The following PSEN1 variants were observed in gnomAD, a reference collection of about 807,000 sequenced individuals.
The protein encoded by PSEN1 is presenilin-1.
PSEN1 carries 15 observed loss-of-function variants against 53.5 expected under a neutral mutation model. The observed-to-expected ratio is 0.28, with a 90% confidence interval of 0.19 to 0.43. The LOEUF (loss-of-function observed/expected upper bound fraction) is 0.43, where lower values mean the gene tolerates loss of function less well. PSEN1 is among the 20% of genes least tolerant of loss of function. The pLI, the probability that PSEN1 is intolerant of heterozygous loss-of-function variation, is 1.00. For missense variants in PSEN1, 387 were observed against 571.2 expected, an observed-to-expected ratio of 0.68 and a Z score of 3.29; for synonymous variants, 208 against 209.8, an observed-to-expected ratio of 0.99 and a Z score of 0.08.
chr14:73,192,557 A>G (rs558401935), intron 6 of PSEN1, 87 bp from the exon 7 acceptor site: 8 of 922,126 alleles, frequency 8.7e-6, no homozygotes, highest in South Asian at 8.0e-5. Context: ...ATTAATATCT[A>G]ATGTTTGGGA....
chr14:73,190,634 T>A (rs79505171), intron 6 of PSEN1, among the ~76,000 whole-genome samples: 1 of 151,964 alleles, frequency 6.6e-6, no homozygotes, highest in Non-Finnish European at 1.5e-5. Context: ...ACCTGTAATC[T>A]CAACATTTTT....
At chr14:73,164,554 CTTTT>C (rs1179929315) in intron 3 of PSEN1, among the ~76,000 whole-genome samples, 1 of 152,260 alleles carries the variant, frequency 6.6e-6, no homozygotes, top group South Asian at 2.1e-4. Context: ...TCAGGAGATA[CTTTT>C]TTTATCACCA....
rs910969435 is a variant in PSEN1 at position 73,222,344 on chromosome 14, C to G, written c.*3055C>G. 2.0e-5 allele frequency: 3 copies of G among 152,202 alleles called. No individual in the cohort carries two copies. The highest frequency in any genetic ancestry group is 2.0e-4 in the Admixed American group (3 of 15,282). The allele number at this position is 152,202 out of a possible 1,614,324, so 9.4% of individuals were successfully genotyped here. A position where few individuals can be genotyped will look rare whatever the true frequency, so the allele number is the denominator to read the frequency against. On this transcript the variant is annotated 3_prime_UTR_variant, in exon 12 of 12. Transcript: ENST00000324501. ...AGTCTCTCTGCTTTTAAAAACCCTC[C>G]TTTTGCAATAGATGCCCAAACAGAT...
intron 5 of PSEN1, among the ~76,000 whole-genome samples, chr14:73,182,590 TC>T (rs1426710184): frequency 2.6e-5 from 4 of 152,146 alleles, no homozygotes; most frequent in African/African-American, 9.7e-5. Context: ...ACGCCTATAA[TC>T]CCAGCACTGT....
intron 8 of PSEN1, among the ~76,000 whole-genome samples, chr14:73,200,540 G>A (rs1461237464): frequency 1.3e-5 from 2 of 152,134 alleles, no homozygotes; most frequent in African/African-American, 4.8e-5. Context: ...ACAGGTGTGA[G>A]CCACTGCTCC....
chr14:73,204,496 A>G (rs1001100829), intron 8 of PSEN1, among the ~76,000 whole-genome samples: 1 of 151,488 alleles, frequency 6.6e-6, no homozygotes, highest in Non-Finnish European at 1.5e-5. Context: ...TTGTTTTTGT[A>G]CAGCTTATAA....
intron 8 of PSEN1, among the ~76,000 whole-genome samples, chr14:73,202,414 C>CATACTATAT (rs1268135539): frequency 1.2e-5 from 1 of 81,346 alleles, no homozygotes; most frequent in African/African-American, 4.9e-5. Context: ...ATATCTATCA[C>CATACTATAT]ATACTATATA....
intron 10 of PSEN1, 81 bp from the exon 11 acceptor site, chr14:73,217,045 G>GT (rs1899945840): frequency 7.1e-7 from 1 of 1,408,004 alleles, no homozygotes; most frequent in Admixed American, 1.7e-5. Flanking sequence ...GTGGGGTTGA[G>GT]TAGGGCAGTG....
chr14:73,178,467 C>T (rs1195579543), intron 5 of PSEN1, among the ~76,000 whole-genome samples: 1 of 150,998 alleles, frequency 6.6e-6, no homozygotes, highest in Non-Finnish European at 1.5e-5. Context: ...GGATTACAGA[C>T]GTGAGCCACC....
rs866775605 is a variant in PSEN1 at position 73,147,060 on chromosome 14, T to C, written c.-135-735T>C. 3.2e-4 allele frequency among the ~76,000 whole-genome samples: 49 copies of C among 151,104 alleles called. 1 individual carries two copies. The highest frequency in any genetic ancestry group is 9.3e-4 in the African/African-American group (38 of 41,068). ...TCAGCCATTCTTTTTTTTTTTTTTTTCTGCAACCTCCACCTCCTGGGTTCA... is the reference window on the plus strand; with the variant it reads ...TCAGCCATTCTTTTTTTTTTTTTTTCCTGCAACCTCCACCTCCTGGGTTCA... On this transcript the variant is annotated intron_variant, in intron 1 of 11. Transcript: ENST00000324501.
intron 4 of PSEN1, among the ~76,000 whole-genome samples, chr14:73,171,455 C>T (rs943151458): frequency 2.6e-5 from 4 of 152,094 alleles, no homozygotes; most frequent in Non-Finnish European, 5.9e-5. Context: ...AAGTAGCACT[C>T]GAATATAAAA....
At chr14:73,157,505 A>G (rs1035799168) in intron 3 of PSEN1, among the ~76,000 whole-genome samples, 3 of 152,158 alleles carry the variant, frequency 2.0e-5, no homozygotes, top group Non-Finnish European at 2.9e-5. Flanking sequence ...ACATACTTAA[A>G]GTATACAGTG....
intron 9 of PSEN1, among the ~76,000 whole-genome samples, chr14:73,207,211 G>A (rs1481287576): frequency 6.6e-6 from 1 of 151,932 alleles, no homozygotes; most frequent in Admixed American, 6.6e-5. Context: ...GCCCTCTAAG[G>A]ATACTACAGA....
chr14:73,222,323 T>C lies in PSEN1; in HGVS notation c.*3034T>C, dbSNP rs933738993. ...ACTCCGGGATTCCCATTCTGTAGTCTCTCTGCTTTTAAAAACCCTCCTTTT... is the reference window on the plus strand; with the variant it reads ...ACTCCGGGATTCCCATTCTGTAGTCCCTCTGCTTTTAAAAACCCTCCTTTT... On this transcript the variant is annotated 3_prime_UTR_variant, in exon 12 of 12. Transcript: ENST00000324501. 6.6e-6 allele frequency: 1 copy of C among 152,212 alleles called. No homozygotes were observed. Among genetic ancestry groups the C allele is most frequent in the African/African-American group, 2.4e-5 (1 of 41,458 alleles). The allele number at this position is 152,212 out of a possible 1,614,324, so 9.4% of individuals were successfully genotyped here.
chr14:73,216,772 ATATT>A (rs1335760463), intron 10 of PSEN1, among the ~76,000 whole-genome samples: 1 of 152,036 alleles, frequency 6.6e-6, no homozygotes, highest in Non-Finnish European at 1.5e-5. Flanking sequence ...AAAAAAAAAA[ATATT>A]AATTAATATG....
At chr14:73,157,383 C>T (rs1236744175) in intron 3 of PSEN1, among the ~76,000 whole-genome samples, 3 of 151,948 alleles carry the variant, frequency 2.0e-5, no homozygotes, top group Non-Finnish European at 4.4e-5. Flanking sequence ...AGATGATCCG[C>T]CTGCCTCGAT....
intron 3 of PSEN1, among the ~76,000 whole-genome samples, chr14:73,156,836 G>A (rs1217698091): frequency 6.6e-6 from 1 of 151,436 alleles, no homozygotes; most frequent in Non-Finnish European, 1.5e-5. Flanking sequence ...CTAATTTTTT[G>A]TAATTTTAGT....
At chr14:73,138,740 C>A (rs1266466958) in intron 1 of PSEN1, among the ~76,000 whole-genome samples, 30 of 134,474 alleles carry the variant, frequency 2.2e-4, no homozygotes, top group Middle Eastern at 9.8e-3. Context: ...GCGGGCGGAT[C>A]ATGAGGTCAG....
intron 7 of PSEN1, among the ~76,000 whole-genome samples, chr14:73,197,253 C>T (rs935481710): frequency 6.6e-6 from 1 of 152,092 alleles, no homozygotes; most frequent in African/African-American, 2.4e-5. Context: ...ATTTTCATGA[C>T]AGAGAATGAA....
Sources: gnomAD v4.1 joint callset for allele counts (sites outside exome capture counted in the v4.1 genomes callset) on GRCh38, gnomAD v4.1.1 for gene constraint, MANE v1.5 for transcripts, NCBI Gene and HGNC (gene_info 2026-07-23, HGNC 2026-07-21) for gene names.